The following JARID2 variants were observed in gnomAD, a reference collection of about 807,000 sequenced individuals.
JARID2 encodes protein Jumonji.
JARID2 carries 21 observed loss-of-function variants against 125.6 expected under a neutral mutation model. The ratio of observed to expected loss-of-function variants is 0.17; its 90% CI spans 0.12 to 0.24. The LOEUF (loss-of-function observed/expected upper bound fraction) is 0.24. Ranked by LOEUF, JARID2 falls within the 10% of genes least tolerant of loss-of-function variation. The pLI is 1.00. For missense variants in JARID2, 1,303 were observed against 1,639.6 expected, an observed-to-expected ratio of 0.79 and a Z score of 3.55; for synonymous variants, 736 against 661.6, an observed-to-expected ratio of 1.11 and a Z score of -1.73.
intron 1 of JARID2, among the ~76,000 whole-genome samples, chr6:15,267,569 G>A (rs979116637): frequency 2.0e-5 from 3 of 152,144 alleles, no homozygotes; most frequent in African/African-American, 7.2e-5. Context: ...GAGTAAGCTG[G>A]TTCTAGTGAA....
At chr6:15,406,988 G>A (rs1765675547) in intron 2 of JARID2, among the ~76,000 whole-genome samples, 1 of 151,950 alleles carries the variant, frequency 6.6e-6, no homozygotes, top group African/African-American at 2.4e-5. Context: ...GGCCATGTGC[G>A]GTTTTCACGC....
At chr6:15,268,815 A>G (rs752855841) in intron 1 of JARID2, among the ~76,000 whole-genome samples, 13 of 152,202 alleles carry the variant, frequency 8.5e-5, no homozygotes, top group Non-Finnish European at 1.6e-4. Flanking sequence ...TTTTCACAGC[A>G]TCTCTCATTT....
At chr6:15,377,310 G>T (rs149910169) in intron 2 of JARID2, among the ~76,000 whole-genome samples, 12 of 152,082 alleles carry the variant, frequency 7.9e-5, no homozygotes, top group African/African-American at 2.7e-4. Flanking sequence ...ATGAGATTTC[G>T]TGAGACTTAC....
intron 3 of JARID2, among the ~76,000 whole-genome samples, chr6:15,435,585 G>T (rs1057184801): frequency 6.6e-6 from 1 of 152,120 alleles, no homozygotes; most frequent in African/African-American, 2.4e-5. Context: ...TCTAGCTTTT[G>T]TTCTTAGAAT....
At chr6:15,378,468 C>T (rs900913305) in intron 2 of JARID2, among the ~76,000 whole-genome samples, 1 of 152,100 alleles carries the variant, frequency 6.6e-6, no homozygotes. Context: ...GGGACAGTGA[C>T]ATGCCTCTGA....
intron 1 of JARID2, among the ~76,000 whole-genome samples, chr6:15,363,871 G>A (rs1313206614): frequency 4.6e-5 from 7 of 152,090 alleles, no homozygotes; most frequent in Non-Finnish European, 8.8e-5. Flanking sequence ...TATTGGGAGG[G>A]CTGGAGGACA....
rs867866205 is a variant in JARID2 at position 15,476,365 on chromosome 6, A to G, written c.670+7647A>G. Among the ~76,000 whole-genome samples the G allele has an allele frequency of 7.9e-4, 120 of 152,186 alleles. 2 individuals carry two copies. The highest frequency in any genetic ancestry group is 2.9e-4 in the Non-Finnish European group (20 of 68,044). ...GCCGGGACCTCTGGCCTCATGGCAG[A>G]GGTGGCAGGAGAGGACACACACACC... On this transcript the variant is annotated intron_variant, in intron 5 of 17. Coordinates refer to ENST00000341776, the MANE Select transcript of JARID2 (RefSeq NM_004973.4).
intron 12 of JARID2, among the ~76,000 whole-genome samples, chr6:15,510,022 C>G (rs1771197283): frequency 6.6e-6 from 1 of 152,172 alleles, no homozygotes; most frequent in South Asian, 2.1e-4. Flanking sequence ...ACTTCCTTCA[C>G]TGAGCAACTG....
chr6:15,502,274 T>G (rs1197574778), intron 8 of JARID2, among the ~76,000 whole-genome samples: 1 of 152,196 alleles, frequency 6.6e-6, no homozygotes, highest in East Asian at 1.9e-4. Context: ...GGCTTGGGGT[T>G]TCCTCCCTTC....
intron 3 of JARID2, among the ~76,000 whole-genome samples, 154 bp downstream of exon 3, chr6:15,410,519 C>T (rs1765834075): frequency 6.7e-6 from 1 of 149,050 alleles, no homozygotes; most frequent in Non-Finnish European, 1.5e-5. Context: ...AAATGCCCTG[C>T]TTTCTAAGTA....
chr6:15,334,514 C>T (rs1020800879), intron 1 of JARID2, among the ~76,000 whole-genome samples: 2 of 152,186 alleles, frequency 1.3e-5, no homozygotes, highest in Non-Finnish European at 2.9e-5. Context: ...CTCTTCATTT[C>T]AAGCTAGTCT....
At chr6:15,400,501 GTGGGGGCATCTGACCGGC>G (rs1159595480) in intron 2 of JARID2, among the ~76,000 whole-genome samples, 2 of 151,724 alleles carry the variant, frequency 1.3e-5, no homozygotes, top group Non-Finnish European at 2.9e-5. Flanking sequence ...TGGCAATGGG[GTGGGGGCATCTGACCGGC>G]TGGGGACACA....
intron 1 of JARID2, among the ~76,000 whole-genome samples, chr6:15,352,951 TTGA>T (rs998866783): frequency 6.6e-6 from 1 of 152,222 alleles, no homozygotes; most frequent in Non-Finnish European, 1.5e-5. Flanking sequence ...CATTCATGAG[TTGA>T]TGGACACTTG....
rs1767574802 is a variant in JARID2 at position 15,444,361 on chromosome 6, G to A, written c.324-7645G>A. ...CTAGCCTCTGGGTTCACTTGAGGAT[G>A]TGTTTATTTTCTCTTTACTGTTCAG... is the stretch of plus-strand genomic sequence containing the variant. On this transcript the variant is annotated intron_variant, in intron 3 of 17. Coordinates refer to ENST00000341776, the MANE Select transcript of JARID2 (RefSeq NM_004973.4). Among the ~76,000 whole-genome samples, 3 of 152,212 alleles carry A rather than the reference G, an allele frequency of 2.0e-5. No individual in the cohort carries two copies. In the South Asian group the frequency reaches 6.2e-4, roughly 32 times the overall value.
chr6:15,318,096 GC>G (rs1462792596), intron 1 of JARID2, among the ~76,000 whole-genome samples: 2 of 152,232 alleles, frequency 1.3e-5, no homozygotes, highest in African/African-American at 4.8e-5. Flanking sequence ...TGTAGTCCCA[GC>G]TACTGGGGAG....
chr6:15,467,487 C>A (rs1768796695), intron 4 of JARID2, among the ~76,000 whole-genome samples: 1 of 149,250 alleles, frequency 6.7e-6, no homozygotes, highest in African/African-American at 2.5e-5. Context: ...ATTGTATTTC[C>A]TGAATTGCCT....
intron 17 of JARID2, among the ~76,000 whole-genome samples, 160 bp downstream of exon 17, chr6:15,517,428 C>A (rs2072822): frequency 0.23 from 34,753 of 152,142 alleles, 4,732 homozygotes; most frequent in East Asian, 0.42. Context: ...CCCATTCAGG[C>A]CCCATGTTAG....
In JARID2 at chr6:15,278,172, C is replaced by T. The variant is rs565161206; in HGVS notation, c.45+31588C>T. On this transcript the variant is annotated intron_variant, in intron 1 of 17. Coordinates refer to ENST00000341776, the MANE Select transcript of JARID2 (RefSeq NM_004973.4). ...GCTTGAACCCAGGAGGTGGAGGTTG[C>T]GGTGAGCTGAGATTGTGCCACTGCA... Among the ~76,000 whole-genome samples the T allele has an allele frequency of 3.6e-3, 541 of 151,054 alleles. 4 individuals carry two copies. The highest frequency in any genetic ancestry group is 0.012 in the African/African-American group (501 of 41,178).
chr6:15,424,879 C>T (rs1056688803), intron 3 of JARID2, among the ~76,000 whole-genome samples: 1 of 152,158 alleles, frequency 6.6e-6, no homozygotes, highest in Non-Finnish European at 1.5e-5. Context: ...AAAACAACAA[C>T]AACAACAACA....
Sources: gnomAD v4.1 joint callset for allele counts (sites outside exome capture counted in the v4.1 genomes callset) on GRCh38, gnomAD v4.1.1 for gene constraint, MANE v1.5 for transcripts, NCBI Gene and HGNC (gene_info 2026-07-23, HGNC 2026-07-21) for gene names.